Variants in PAQR3 observed in about 807,000 individuals in gnomAD.
PAQR3 encodes progestin and adipoQ receptor family member 3.
Under a neutral mutation model 41.7 loss-of-function variants are expected in PAQR3, and 39 were observed. The ratio of observed to expected loss-of-function variants is 0.93; its 90% CI spans 0.72 to 1.22. PAQR3 has a LOEUF of 1.22. Among genes scored for constraint, PAQR3 ranks in the 50% most tolerant of loss-of-function variants. The probability of loss-of-function intolerance (pLI) is 0.00; values close to 1 mark genes in which losing one functional copy is unlikely to be tolerated. For synonymous variants in PAQR3, 140 were observed against 140.6 expected (o/e 1.00, Z 0.03); for missense variants, 366 against 385.6 (o/e 0.95, Z 0.42).
rs1184042617 is a variant in PAQR3, at chr4:78,917,997, T to C, written c.*2542A>G. 17 of 983,182 alleles carry C rather than the reference T, an allele frequency of 1.7e-5. No homozygotes were observed. The highest frequency in any genetic ancestry group is 2.1e-5 in the Non-Finnish European group (17 of 827,694). 60.9% of individuals were successfully genotyped at this position (983,182 alleles called of 1,614,324 possible). A position where few individuals can be genotyped will look rare whatever the true frequency, so the allele number is the denominator to read the frequency against. ...ATATTTTGTCATGCAGCTTACTGAATTGCAGTTAGTGTAATAACAAAAAAA... is the reference window on the plus strand; with the variant it reads ...ATATTTTGTCATGCAGCTTACTGAACTGCAGTTAGTGTAATAACAAAAAAA... On this transcript the variant is annotated 3_prime_UTR_variant, in exon 6 of 6. Coordinates refer to ENST00000512733, the MANE Select transcript of PAQR3 (RefSeq NM_001040202.2).
At chr4:78,931,307 G>A (rs1019585762) in intron 2 of PAQR3, among the ~76,000 whole-genome samples, 9 of 151,834 alleles carry the variant, frequency 5.9e-5, no homozygotes, top group Admixed American at 2.0e-4. Flanking sequence ...GCAGTGAGCC[G>A]TGACTGCCCC....
At chr4:78,929,992 T>A (rs1266955796) in intron 3 of PAQR3, among the ~76,000 whole-genome samples, 178 bp downstream of exon 3, 2 of 152,212 alleles carry the variant, frequency 1.3e-5, no homozygotes, top group Non-Finnish European at 2.9e-5. Context: ...AGTATGGAAC[T>A]GATAACAGAT....
chr4:78,912,720 C>T lies in PAQR3; in HGVS notation c.*7819G>A, dbSNP rs1232744512. 1 of 151,814 alleles carries T rather than the reference C, an allele frequency of 6.6e-6. No individual in the cohort carries two copies. The highest frequency in any genetic ancestry group is 1.9e-4 in the East Asian group (1 of 5,178). 9.4% of individuals were successfully genotyped at this position (151,814 alleles called of 1,614,324 possible). On this transcript the variant is annotated 3_prime_UTR_variant, in exon 6 of 6. Coordinates refer to ENST00000512733, the MANE Select transcript of PAQR3 (RefSeq NM_001040202.2). ...ATTCCACAACTTACATATTCCAAAA[C>T]AATGTTATACATGATAAATATATAT...
chr4:78,939,074 G>C lies in PAQR3; in HGVS notation c.151C>G (p.Arg51Gly). The change falls in exon 1 of 6, where the codon CGG becomes GGG. Residue 51 changes from arginine (R) to glycine (G), a missense_variant. Coordinates refer to ENST00000512733, the MANE Select transcript of PAQR3 (RefSeq NM_001040202.2). The part of the protein sequence containing the change: ...KDNPYITDGY[R>G]AYLPSRLCIK... ...CACAGCCTGGACGGCAGGTAGGCCC[G>C]GTAGCCGTCGGTGATGTACGGGTTG... is the stretch of plus-strand genomic sequence containing the variant. The C allele has an allele frequency of 6.2e-7, 1 of 1,611,586 alleles. No individual in the cohort carries two copies. The highest frequency in any genetic ancestry group is 8.5e-7 in the Non-Finnish European group (1 of 1,178,196).
At chr4:78,897,932 C>T (rs1380380651) in intron 11 of PAQR3, among the ~76,000 whole-genome samples, 6 of 152,188 alleles carry the variant, frequency 3.9e-5, no homozygotes, top group Non-Finnish European at 8.8e-5. Context: ...GATGCAAATG[C>T]TACAATAGAT....
chr4:78,909,326 G>T (rs551744938), downstream of PAQR3, among the ~76,000 whole-genome samples: 2 of 151,298 alleles, frequency 1.3e-5, no homozygotes, highest in African/African-American at 4.9e-5. Flanking sequence ...GTGAGCCACC[G>T]CACCCAGCCC....
At chr4:78,922,483 T>C (rs780217153) in intron 5 of PAQR3, 16 of 1,227,738 alleles carry the variant, frequency 1.3e-5, no homozygotes, top group Middle Eastern at 2.2e-4. Context: ...CCCTGACTCA[T>C]AGCTCTCCAA....
chr4:78,895,599 GA>G (rs1275610507), intron 11 of PAQR3, among the ~76,000 whole-genome samples: 2 of 151,942 alleles, frequency 1.3e-5, no homozygotes, highest in African/African-American at 4.8e-5. Flanking sequence ...TGAGACTTGG[GA>G]AAAAATAAGA....
chr4:78,939,232 G>A lies in PAQR3; in HGVS notation c.-8C>T. The A allele has an allele frequency of 6.3e-7, 1 of 1,575,384 alleles. No homozygotes were observed. The highest frequency in any genetic ancestry group is 8.6e-7 in the Non-Finnish European group (1 of 1,163,866). ...CAGCAGCTTCTGATGCATCGTTCCC[G>A]GCCGCCGCCGCTCCCCGGCTCGGGA... is the stretch of plus-strand genomic sequence containing the variant. On this transcript the variant is annotated 5_prime_UTR_variant, in exon 1 of 6. Transcript: ENST00000512733.
Position 78,923,865 on chromosome 4 carries a change from T to C in PAQR3, c.785A>G (p.Tyr262Cys), listed in dbSNP as rs572998995. The change falls in exon 5 of 6, where the codon TAC (tyrosine) becomes TGC (cysteine). Residue 262 changes from tyrosine (Y) to cysteine (C), a missense_variant. Transcript: ENST00000512733. ...ATAAAAGAGATACCTACCTGGAAAG[T>C]ACCGCTCTGGGACTTTGGAAATGTA... is the stretch of plus-strand genomic sequence containing the variant. ...LFYISKVPER[Y>C]FPGQLNYLGS... is the part of the protein sequence containing the mutation. 3 of 1,609,000 alleles carry C rather than the reference T, an allele frequency of 1.9e-6. No individual in the cohort carries two copies. The highest frequency in any genetic ancestry group is 1.1e-5 in the South Asian group (1 of 90,980).
chr4:78,922,420 T>C (rs772294545), intron 5 of PAQR3: 14 of 1,288,798 alleles, frequency 1.1e-5, no homozygotes, highest in Non-Finnish European at 1.3e-5. Flanking sequence ...GTGGAAGTGA[T>C]TCTTAACCCA....
chr4:78,925,235 T>A (rs1345648267), intron 4 of PAQR3, among the ~76,000 whole-genome samples: 5 of 152,192 alleles, frequency 3.3e-5, no homozygotes. Context: ...TGGGTCTTAT[T>A]CTTTTTGTCA....
intron 1 of PAQR3, 32 bp downstream of exon 1, chr4:78,939,008 G>T (rs763590524): frequency 1.9e-6 from 3 of 1,545,676 alleles, no homozygotes; most frequent in Non-Finnish European, 2.6e-6. Context: ...TGAGAGAAGG[G>T]GGCACTCCAG....
chr4:78,891,859 A>C (rs1036383587), intron 11 of PAQR3, among the ~76,000 whole-genome samples: 1 of 152,188 alleles, frequency 6.6e-6, no homozygotes, highest in African/African-American at 2.4e-5. Flanking sequence ...GGCTTGAGAA[A>C]TCCTTTAGTT....
intron 4 of PAQR3, 126 bp downstream of exon 4, chr4:78,926,395 C>A: frequency 1.3e-6 from 1 of 741,200 alleles, no homozygotes; most frequent in Non-Finnish European, 2.2e-6. Context: ...CATCAACATG[C>A]AATTACAAAT....
intron 11 of PAQR3, among the ~76,000 whole-genome samples, chr4:78,902,379 A>G (rs1734055006): frequency 6.6e-6 from 1 of 152,106 alleles, no homozygotes; most frequent in Non-Finnish European, 1.5e-5. Flanking sequence ...GTTCACAACT[A>G]TTAGGATTCT....
chr4:78,931,713 G>A (rs1736922540), intron 2 of PAQR3, among the ~76,000 whole-genome samples: 1 of 152,192 alleles, frequency 6.6e-6, no homozygotes, highest in Non-Finnish European at 1.5e-5. Flanking sequence ...AAAAGTATCA[G>A]AGAAGGGCTG....
intron 5 of PAQR3, chr4:78,922,442 G>A (rs1225904900): frequency 7.8e-7 from 1 of 1,288,098 alleles, no homozygotes; most frequent in South Asian, 1.2e-5. Flanking sequence ...GAAGAAGAGG[G>A]GATAAATTTG....
Position 78,919,843 on chromosome 4 carries a change from A to G in PAQR3, c.*696T>C. The G allele has an allele frequency of 1.0e-6, 1 of 984,240 alleles. No individual in the cohort carries two copies. The allele number at this position is 984,240 out of a possible 1,614,324, so 61.0% of individuals were successfully genotyped here. On this transcript the variant is annotated 3_prime_UTR_variant, in exon 6 of 6. Transcript: ENST00000512733. ...ATTTGACCACATAATTTGTTGTCTAATCTTGTACTTAGTTTCTAATGTGAT... is the reference window on the plus strand; with the variant it reads ...ATTTGACCACATAATTTGTTGTCTAGTCTTGTACTTAGTTTCTAATGTGAT...
Sources: allele counts gnomAD v4.1 joint callset (sites outside exome capture counted in the v4.1 genomes callset), GRCh38; gene constraint gnomAD v4.1.1; transcripts MANE v1.5; gene names NCBI Gene and HGNC (gene_info 2026-07-23, HGNC 2026-07-21).